Variants in PTPRD observed in about 807,000 individuals in gnomAD.
PTPRD encodes receptor-type tyrosine-protein phosphatase delta.
Under a neutral mutation model 214.5 loss-of-function variants are expected in PTPRD, and 34 were observed. The ratio of observed to expected loss-of-function variants is 0.16; its 90% CI spans 0.12 to 0.21. PTPRD has a LOEUF of 0.21. Among genes scored for constraint, PTPRD ranks in the 10% least tolerant of loss-of-function variants. The probability of loss-of-function intolerance (pLI) is 1.00; values close to 1 mark genes in which losing one functional copy is unlikely to be tolerated. For missense variants in PTPRD, 2,545 were observed against 2,398.7 expected, an observed-to-expected ratio of 1.06 and a Z score of -1.27; for synonymous variants, 1,128 against 845.7, an observed-to-expected ratio of 1.33 and a Z score of -5.79.
At chr9:9,592,018 G>A (rs1267857138) in intron 7 of PTPRD, among the ~76,000 whole-genome samples, 2 of 151,804 alleles carry the variant, frequency 1.3e-5, no homozygotes, top group Non-Finnish European at 2.9e-5. Context: ...AGATCAACTT[G>A]TTTTGATTTT....
chr9:9,935,398 G>C (rs1055569121), intron 5 of PTPRD, among the ~76,000 whole-genome samples: 2 of 152,032 alleles, frequency 1.3e-5, no homozygotes, highest in African/African-American at 2.4e-5. Flanking sequence ...CAAAATCAAT[G>C]TACAAAAATC....
chr9:9,705,800 T>C (rs931996241), intron 7 of PTPRD, among the ~76,000 whole-genome samples: 3 of 152,222 alleles, frequency 2.0e-5, no homozygotes, highest in Non-Finnish European at 2.9e-5. Flanking sequence ...TATCAACTTA[T>C]ACCATTCTTG....
rs60727355 is a variant in PTPRD, at chr9:8,786,069, G to GTGTGTGTT, written c.-103-52124_-103-52123insAACACACA. Among the ~76,000 whole-genome samples, 7 of 150,238 alleles carry GTGTGTGTT rather than the reference G, an allele frequency of 4.7e-5. No homozygotes were observed. In the South Asian group the frequency reaches 1.5e-3, roughly 31 times the overall value. On this transcript the variant is annotated intron_variant, in intron 11 of 45. Transcript: ENST00000381196. ...TGTGTGTGTGTGTGTGTGTGTGTGT[G>GTGTGTGTT]TACCTCATACACATTGTTCACCGCT...
intron 7 of PTPRD, among the ~76,000 whole-genome samples, chr9:9,594,389 A>T: frequency 6.6e-6 from 1 of 151,956 alleles, no homozygotes; most frequent in Non-Finnish European, 1.5e-5. Context: ...TAGCTTGTAG[A>T]ATTTTTATAG....
chr9:10,355,645 A>C (rs1006493270), intron 2 of PTPRD, among the ~76,000 whole-genome samples: 59 of 151,916 alleles, frequency 3.9e-4, no homozygotes, highest in Admixed American at 3.8e-3. Context: ...TGTCCGGCTA[A>C]TTTTGTATTT....
chr9:9,582,206 T>C (rs1053357389), intron 7 of PTPRD, among the ~76,000 whole-genome samples: 13 of 152,134 alleles, frequency 8.5e-5, no homozygotes, highest in African/African-American at 3.1e-4. Context: ...ACAACCATCC[T>C]TAGTCTCAAT....
intron 2 of PTPRD, among the ~76,000 whole-genome samples, chr9:10,447,862 A>C (rs1252924433): frequency 3.0e-4 from 45 of 152,028 alleles, no homozygotes; most frequent in Admixed American, 2.9e-3. Flanking sequence ...GAGGTGAATT[A>C]GGATACTCAG....
chr9:9,336,816 T>G (rs1216346029), intron 9 of PTPRD, among the ~76,000 whole-genome samples: 2 of 152,182 alleles, frequency 1.3e-5, no homozygotes, highest in Non-Finnish European at 2.9e-5. Context: ...ATTAAATTAT[T>G]TGACTTTAAG....
At chr9:9,825,163 C>T (rs1296960033) in intron 5 of PTPRD, among the ~76,000 whole-genome samples, 1 of 151,426 alleles carries the variant, frequency 6.6e-6, no homozygotes, top group Non-Finnish European at 1.5e-5. Flanking sequence ...CCCCTATCTG[C>T]CATTTTGTTT....
At chr9:10,383,534 CAG>C (rs1373820088) in intron 2 of PTPRD, among the ~76,000 whole-genome samples, 3 of 151,794 alleles carry the variant, frequency 2.0e-5, no homozygotes, top group African/African-American at 7.3e-5. Context: ...GAAGACAATT[CAG>C]TTGACATCTT....
At chr9:10,516,431 G>A (rs113668164) in intron 2 of PTPRD, among the ~76,000 whole-genome samples, 4 of 151,702 alleles carry the variant, frequency 2.6e-5, no homozygotes, top group African/African-American at 9.7e-5. Flanking sequence ...TTAGATTTTT[G>A]GAAATGAGCT....
intron 7 of PTPRD, among the ~76,000 whole-genome samples, chr9:9,637,318 A>T (rs2095803314): frequency 6.6e-6 from 1 of 152,204 alleles, no homozygotes; most frequent in Non-Finnish European, 1.5e-5. Flanking sequence ...TGAGATTCGT[A>T]TCGGGGCAAC....
rs143115490 is a variant in PTPRD at position 8,900,519 on chromosome 9, A to T, written c.-104+118178T>A. 1.1e-4 allele frequency among the ~76,000 whole-genome samples: 16 copies of T among 152,310 alleles called. 1 individual carries two copies. The East Asian group carries it at 3.1e-3, about 29-fold the overall frequency. ...CAGAACTACACTATTATTAATTTTAAAATAATCAGTCCTTGGGTCAGGTCA... is the reference window on the plus strand; with the variant it reads ...CAGAACTACACTATTATTAATTTTATAATAATCAGTCCTTGGGTCAGGTCA... On this transcript the variant is annotated intron_variant, in intron 11 of 45. Transcript: ENST00000381196.
At chr9:10,233,171 T>C (rs888868522) in intron 3 of PTPRD, among the ~76,000 whole-genome samples, 1 of 152,038 alleles carries the variant, frequency 6.6e-6, no homozygotes, top group Non-Finnish European at 1.5e-5. Context: ...TGTTGGTGCA[T>C]TCATTTGCAT....
chr9:10,553,987 C>G (rs765317391), intron 2 of PTPRD, among the ~76,000 whole-genome samples: 2 of 152,102 alleles, frequency 1.3e-5, no homozygotes, highest in Non-Finnish European at 2.9e-5. Flanking sequence ...TTAATATCCC[C>G]TTTATTATAT....
intron 4 of PTPRD, among the ~76,000 whole-genome samples, chr9:10,016,025 C>A (rs576353808): frequency 5.3e-5 from 8 of 152,246 alleles, no homozygotes; most frequent in African/African-American, 1.9e-4. Flanking sequence ...TACCAGGCTA[C>A]AACCACCTTC....
chr9:10,122,522 A>C (rs1429769410), intron 3 of PTPRD, among the ~76,000 whole-genome samples: 1 of 152,060 alleles, frequency 6.6e-6, no homozygotes, highest in African/African-American at 2.4e-5. Context: ...ATGAAGAATA[A>C]GAAAAAAAAA....
chr9:9,379,118 T>C (rs2061513899), intron 9 of PTPRD, among the ~76,000 whole-genome samples: 1 of 151,046 alleles, frequency 6.6e-6, no homozygotes, highest in Non-Finnish European at 1.5e-5. Flanking sequence ...TTATTTTCTC[T>C]GAGTTTTATA....
At chr9:9,942,973 T>TA (rs2091875182) in intron 4 of PTPRD, among the ~76,000 whole-genome samples, 1 of 151,310 alleles carries the variant, frequency 6.6e-6, no homozygotes, top group Non-Finnish European at 1.5e-5. Context: ...CACAAAGCGG[T>TA]GCCACAGTGC....
Sources: gnomAD v4.1 joint callset for allele counts (sites outside exome capture counted in the v4.1 genomes callset) on GRCh38, gnomAD v4.1.1 for gene constraint, MANE v1.5 for transcripts, NCBI Gene and HGNC (gene_info 2026-07-23, HGNC 2026-07-21) for gene names.